Variants in POU2F1 observed in about 807,000 individuals in gnomAD.
The protein encoded by POU2F1 is POU domain, class 2, transcription factor 1.
POU2F1 carries 16 observed loss-of-function variants against 84.9 expected under a neutral mutation model. The ratio of observed to expected loss-of-function variants is 0.19; its 90% CI spans 0.13 to 0.29. The LOEUF is 0.29. POU2F1 is among the 10% of genes least tolerant of loss of function. The pLI, the probability that POU2F1 is intolerant of heterozygous loss-of-function variation, is 1.00. For missense variants in POU2F1, 738 were observed against 942.6 expected, an observed-to-expected ratio of 0.78 and a Z score of 2.84; for synonymous variants, 368 against 368.3, an observed-to-expected ratio of 1.00 and a Z score of 0.01.
At chr1:167,274,614 A>G (rs1232765251) in intron 1 of POU2F1, among the ~76,000 whole-genome samples, 1 of 151,998 alleles carries the variant, frequency 6.6e-6, no homozygotes, top group African/African-American at 2.4e-5. Context: ...GTAAATATAG[A>G]CCAAAATTAC....
chr1:167,344,970 C>T (rs1488704775), intron 2 of POU2F1, among the ~76,000 whole-genome samples: 5 of 152,074 alleles, frequency 3.3e-5, no homozygotes, highest in Non-Finnish European at 7.4e-5. Context: ...AAACAGAAAA[C>T]GAAACACCAC....
intron 1 of POU2F1, among the ~76,000 whole-genome samples, chr1:167,266,734 C>T (rs1306968791): frequency 6.7e-6 from 1 of 149,006 alleles, no homozygotes; most frequent in Non-Finnish European, 1.5e-5. Flanking sequence ...AGCGGTTCTT[C>T]TGCCTCAGCC....
At chr1:167,302,271 T>C (rs980554073) in intron 1 of POU2F1, among the ~76,000 whole-genome samples, 8 of 151,736 alleles carry the variant, frequency 5.3e-5, no homozygotes, top group South Asian at 4.2e-4. Flanking sequence ...CTTTTCTTTT[T>C]TTTTTTTTGA....
chr1:167,254,974 T>C (rs1651020385), intron 1 of POU2F1, among the ~76,000 whole-genome samples: 1 of 152,212 alleles, frequency 6.6e-6, no homozygotes, highest in Non-Finnish European at 1.5e-5. Context: ...GAATTGGTTT[T>C]CTTAGGCAGA....
chr1:167,415,599 C>A lies in POU2F1; in HGVS notation c.2090C>A (p.Pro697His). Reference sequence around the variant, plus strand: ...GGAGCCCCCAACATCGTGACTGCCCCTCTGTTCCTGAACCCTCAGAACCTC... The same window carrying A: ...GGAGCCCCCAACATCGTGACTGCCCATCTGTTCCTGAACCCTCAGAACCTC... ...AGGAPNIVTAPLFLNPQNLSL... is the reference protein window; with the variant it reads ...AGGAPNIVTAHLFLNPQNLSL... The change falls in exon 16 of 16, where the codon CCT (proline) becomes CAT (histidine). Residue 697 changes from proline (P) to histidine (H), a missense_variant. Pro to His is a moderately conservative substitution (Grantham distance 77, BLOSUM62 -2). This residue lies in a region of POU2F1 where 319 missense variants were observed against 386.0 expected (regional missense o/e 0.83). Coordinates refer to ENST00000367866, the MANE Select transcript of POU2F1 (RefSeq NM_002697.4). 1.2e-6 allele frequency: 2 copies of A among 1,614,200 alleles called. No homozygotes were observed. Among genetic ancestry groups the A allele is most frequent in the Non-Finnish European group, 1.7e-6 (2 of 1,180,026 alleles).
chr1:167,372,370 A>G (rs1660067138), intron 5 of POU2F1, among the ~76,000 whole-genome samples: 1 of 152,212 alleles, frequency 6.6e-6, no homozygotes, highest in African/African-American at 2.4e-5. Context: ...GCAGTTATCC[A>G]TTTGGCATTA....
intron 13 of POU2F1, among the ~76,000 whole-genome samples, chr1:167,411,306 G>C (rs2101942514): frequency 6.6e-6 from 1 of 152,176 alleles, no homozygotes; most frequent in East Asian, 1.9e-4. Context: ...CCAAAGTGCT[G>C]AGATTACAGG....
At chr1:167,381,824 G>A (rs1647582511) in intron 7 of POU2F1, among the ~76,000 whole-genome samples, 1 of 151,104 alleles carries the variant, frequency 6.6e-6, no homozygotes, top group South Asian at 2.1e-4. Context: ...TGGCCAGGCT[G>A]GTCTTGAACT....
chr1:167,329,016 T>C, intron 1 of POU2F1: 1 of 1,092,208 alleles, frequency 9.2e-7, no homozygotes, highest in African/African-American at 1.7e-5. Context: ...GCCTTGACAA[T>C]GTCAGTCCTA....
intron 2 of POU2F1, among the ~76,000 whole-genome samples, chr1:167,350,444 GACCT>G (rs1386510663): frequency 1.3e-5 from 2 of 152,142 alleles, no homozygotes; most frequent in Admixed American, 1.3e-4. Flanking sequence ...CTTAGTCTGA[GACCT>G]ATAGTAACAA....
At chr1:167,230,430 T>G (rs1375473223) in intron 1 of POU2F1, among the ~76,000 whole-genome samples, 2 of 152,178 alleles carry the variant, frequency 1.3e-5, no homozygotes, top group Non-Finnish European at 2.9e-5. Flanking sequence ...GCCTTTGGTG[T>G]TCTTTTTTAA....
At chr1:167,412,518 T>G (rs947987388) in intron 14 of POU2F1, among the ~76,000 whole-genome samples, 1 of 152,166 alleles carries the variant, frequency 6.6e-6, no homozygotes, top group Non-Finnish European at 1.5e-5. Flanking sequence ...AGTCATACCT[T>G]TGTTTCCAGA....
chr1:167,390,505 G>T (rs1346903170), intron 9 of POU2F1, among the ~76,000 whole-genome samples: 1 of 152,172 alleles, frequency 6.6e-6, no homozygotes, highest in African/African-American at 2.4e-5. Flanking sequence ...GTTTTTTGTA[G>T]TGGGGGCAGT....
rs1648752197 is a variant in POU2F1, at chr1:167,395,616, T to C, written c.988-670T>C. On this transcript the variant is annotated intron_variant, in intron 9 of 15. Transcript: ENST00000367866. Reference sequence around the variant, plus strand: ...TATTTTTCTTTTTTAAATTTTTTTCTTTTTTTGAGACAGGATCTCGCTCTG... The same window carrying C: ...TATTTTTCTTTTTTAAATTTTTTTCCTTTTTTGAGACAGGATCTCGCTCTG... 2.0e-5 allele frequency among the ~76,000 whole-genome samples: 3 copies of C among 152,322 alleles called. No individual in the cohort carries two copies. In the South Asian group the frequency reaches 6.2e-4, roughly 32 times the overall value.
intron 1 of POU2F1, among the ~76,000 whole-genome samples, chr1:167,232,417 A>G (rs1271136492): frequency 6.6e-6 from 1 of 152,226 alleles, no homozygotes; most frequent in Non-Finnish European, 1.5e-5. Flanking sequence ...TTAAAAGGTA[A>G]AAATTTAAAA....
intron 9 of POU2F1, among the ~76,000 whole-genome samples, chr1:167,395,729 C>G (rs1648762643): frequency 6.6e-6 from 1 of 151,846 alleles, no homozygotes; most frequent in Non-Finnish European, 1.5e-5. Context: ...CTCAGCCTCC[C>G]AAATGGCTAG....
At chr1:167,412,376 T>C (rs1650028777) in intron 14 of POU2F1, 72 bp downstream of exon 14, 3 of 1,317,218 alleles carry the variant, frequency 2.3e-6, no homozygotes, top group Admixed American at 5.2e-5. Flanking sequence ...GGGGAGACTT[T>C]ACATCACTGA....
At chr1:167,322,475 G>T (rs1656387700) in intron 1 of POU2F1, among the ~76,000 whole-genome samples, 1 of 152,244 alleles carries the variant, frequency 6.6e-6, no homozygotes, top group Admixed American at 6.5e-5. Flanking sequence ...TTTTGTGGGG[G>T]TTCCCCAGGC....
intron 1 of POU2F1, among the ~76,000 whole-genome samples, chr1:167,273,756 C>A (rs897662665): frequency 1.3e-5 from 2 of 152,194 alleles, no homozygotes; most frequent in African/African-American, 4.8e-5. Flanking sequence ...GCTAGGATAA[C>A]CACGTTATGA....
Sources: gnomAD v4.1 joint callset for allele counts (sites outside exome capture counted in the v4.1 genomes callset) on GRCh38, gnomAD v4.1.1 for gene constraint, gnomAD v4.1.1 regional missense constraint, MANE v1.5 for transcripts, NCBI Gene and HGNC (gene_info 2026-07-23, HGNC 2026-07-21) for gene names.